Variants in CCAR1 observed in about 807,000 individuals in gnomAD.
CCAR1 encodes the protein cell division cycle and apoptosis regulator protein 1.
Under a neutral mutation model 163.8 loss-of-function variants are expected in CCAR1, and 78 were observed. The observed-to-expected ratio is 0.48, with a 90% CI of 0.40 to 0.57. CCAR1 has a LOEUF of 0.57. CCAR1 is among the 20% of genes least tolerant of loss of function. CCAR1 has a pLI of 0.00. For synonymous variants in CCAR1, 443 were observed against 460.7 expected, an observed-to-expected ratio of 0.96 and a Z score of 0.49; for missense variants, 1,019 against 1,365.2, an observed-to-expected ratio of 0.75 and a Z score of 4.00.
intron 23 of CCAR1, 45 bp downstream of exon 23, chr10:68,788,373 G>A: frequency 7.2e-7 from 1 of 1,387,380 alleles, no homozygotes; most frequent in South Asian, 1.6e-5. Flanking sequence ...GCACCCTGCT[G>A]GGACACGTAT....
intron 10 of CCAR1, among the ~76,000 whole-genome samples, chr10:68,752,883 AATAGATAGATAG>A (rs36140870): frequency 0.02 from 2,916 of 142,368 alleles, 53 homozygotes; most frequent in African/African-American, 0.045. Flanking sequence ...GATAGGATAG[AATAGATAGATAG>A]ATAGATAGAT....
chr10:68,768,716 C>T (rs2056564842), intron 17 of CCAR1, among the ~76,000 whole-genome samples: 1 of 151,922 alleles, frequency 6.6e-6, no homozygotes, highest in South Asian at 2.1e-4. Flanking sequence ...GGCACAGTCC[C>T]TACGGCACTT....
At chr10:68,721,478 G>T in intron 1 of CCAR1, 196 bp downstream of exon 1, 1 of 395,280 alleles carries the variant, frequency 2.5e-6, no homozygotes, top group Non-Finnish European at 5.0e-6. Flanking sequence ...GCCCGGCGCG[G>T]CCAGCCCCAC....
At position 68,725,799 on chromosome 10, in the gene CCAR1, G is replaced by C. The variant is rs571693376; in HGVS notation, c.73+3222G>C. ...TTCCAAAATTTGATGGAAATGATTA[G>C]TTATCTTGGTGACCTTTCTCTTTAA... On this transcript the variant is annotated intron_variant, in intron 2 of 24. Transcript: ENST00000265872. Among the ~76,000 whole-genome samples, 8 of 152,158 alleles carry C rather than the reference G, an allele frequency of 5.3e-5. No individual in the cohort carries two copies. In the South Asian group the frequency reaches 1.7e-3, roughly 32 times the overall value.
intron 15 of CCAR1, among the ~76,000 whole-genome samples, chr10:68,759,775 G>A (rs1382775653): frequency 6.6e-6 from 1 of 151,804 alleles, no homozygotes; most frequent in South Asian, 2.1e-4. Flanking sequence ...ATCCTGTTGC[G>A]TTAACATTAA....
chr10:68,757,215 A>C lies in CCAR1; in HGVS notation c.1837-79A>C, dbSNP rs1019855974. 7.6e-6 allele frequency: 6 copies of C among 794,290 alleles called. No homozygotes were observed. The Admixed American group carries it at 8.7e-5, about 12-fold the overall frequency. 49.2% of individuals were successfully genotyped at this position (794,290 alleles called of 1,614,324 possible). ...AAACATTTGTGACCTTGCACAGATC[A>C]GCAACAGACTTTTAAAAATAAATTA... On this transcript the variant is annotated intron_variant, in intron 14 of 24. Transcript: ENST00000265872.
chr10:68,749,016 C>G, intron 8 of CCAR1, 120 bp from the exon 9 acceptor site: 1 of 1,216,836 alleles, frequency 8.2e-7, no homozygotes, highest in South Asian at 1.4e-5. Context: ...ATTAGGCCAA[C>G]TTTGAAAAAA....
chr10:68,724,623 C>CA lies in CCAR1; in HGVS notation c.73+2057dup, dbSNP rs201470088. Among the ~76,000 whole-genome samples the CA allele has an allele frequency of 5.5e-3, 793 of 145,342 alleles. 7 individuals are homozygous for CA. The highest frequency in any genetic ancestry group is 0.025 in the East Asian group (123 of 5,012). On this transcript the variant is annotated intron_variant, in intron 2 of 24. Coordinates refer to ENST00000265872, the MANE Select transcript of CCAR1 (RefSeq NM_018237.4). ...GAATTTAAAGTTGAAAAACTACATTCAAAAAAAAAAATCACCTGGACCTGG... is the reference window on the plus strand; with the variant it reads ...GAATTTAAAGTTGAAAAACTACATTCAAAAAAAAAAAATCACCTGGACCTGG...
chr10:68,736,390 A>G (rs1441909286), intron 2 of CCAR1, among the ~76,000 whole-genome samples: 2 of 152,122 alleles, frequency 1.3e-5, no homozygotes, highest in South Asian at 2.1e-4. Flanking sequence ...GTTTACATAT[A>G]TAATGTATTG....
intron 2 of CCAR1, among the ~76,000 whole-genome samples, chr10:68,731,549 A>G (rs1451254974): frequency 1.3e-5 from 2 of 149,706 alleles, no homozygotes; most frequent in African/African-American, 4.9e-5. Context: ...AATTTTTCCT[A>G]GCAGTCAAAA....
At chr10:68,744,644 C>G (rs995050055) in intron 6 of CCAR1, among the ~76,000 whole-genome samples, 2 of 151,920 alleles carry the variant, frequency 1.3e-5, no homozygotes, top group Non-Finnish European at 2.9e-5. Flanking sequence ...TGTTTTTTAT[C>G]TTTTTTGCAT....
At chr10:68,762,410 T>G (rs1351070825) in intron 16 of CCAR1, among the ~76,000 whole-genome samples, 39 of 152,184 alleles carry the variant, frequency 2.6e-4, no homozygotes, top group Admixed American at 2.6e-3. Context: ...AGTGAAGTGC[T>G]TATTCCAGAA....
At chr10:68,742,647 T>C (rs977883701) in intron 6 of CCAR1, 78 bp downstream of exon 6, 14 of 1,158,210 alleles carry the variant, frequency 1.2e-5, no homozygotes, top group Non-Finnish European at 1.8e-5. Flanking sequence ...AGAAATTGTA[T>C]GTAGCCCAGG....
At chr10:68,780,307 A>G (rs1193716957) in intron 19 of CCAR1, among the ~76,000 whole-genome samples, 1 of 151,966 alleles carries the variant, frequency 6.6e-6, no homozygotes, top group African/African-American at 2.4e-5. Flanking sequence ...TGATTCTCTC[A>G]CTTTAGTTCC....
chr10:68,760,879 CAAAAA>C (rs3998847), intron 15 of CCAR1, 123 bp from the exon 16 acceptor site: 11 of 303,906 alleles, frequency 3.6e-5, no homozygotes, highest in South Asian at 5.7e-5. Flanking sequence ...AAACAAAAAA[CAAAAA>C]AAAAAAAAAC....
intron 2 of CCAR1, among the ~76,000 whole-genome samples, chr10:68,733,967 T>C (rs995225426): frequency 6.6e-6 from 1 of 152,190 alleles, no homozygotes; most frequent in African/African-American, 2.4e-5. Flanking sequence ...CTGAGGTTTT[T>C]TAAAAAACAT....
At chr10:68,730,309 T>G (rs1310677292) in intron 2 of CCAR1, among the ~76,000 whole-genome samples, 2 of 150,798 alleles carry the variant, frequency 1.3e-5, no homozygotes, top group Admixed American at 1.3e-4. Context: ...TGAAACTGAT[T>G]GTAGTTTTTA....
chr10:68,778,609 C>T (rs1420339758), intron 19 of CCAR1, among the ~76,000 whole-genome samples: 1 of 152,064 alleles, frequency 6.6e-6, no homozygotes, highest in South Asian at 2.1e-4. Flanking sequence ...TCCCTCTACC[C>T]CTACACTTGA....
intron 5 of CCAR1, among the ~76,000 whole-genome samples, chr10:68,740,993 A>C (rs547771307): frequency 1.3e-5 from 2 of 151,640 alleles, no homozygotes; most frequent in African/African-American, 4.9e-5. Context: ...GGCTCACTGC[A>C]ATCTCTGCCT....
Sources: gnomAD v4.1 joint callset for allele counts (sites outside exome capture counted in the v4.1 genomes callset) on GRCh38, gnomAD v4.1.1 for gene constraint, MANE v1.5 for transcripts, NCBI Gene and HGNC (gene_info 2026-07-23, HGNC 2026-07-21) for gene names.